Variants in DOCK3 observed in about 807,000 individuals in gnomAD.
DOCK3 encodes the protein dedicator of cytokinesis 3.
DOCK3 carries 60 observed loss-of-function variants against 265.6 expected under a neutral mutation model. The observed-to-expected ratio is 0.23, with a 90% confidence interval of 0.18 to 0.28. DOCK3 has a LOEUF of 0.28. Ranked by LOEUF, DOCK3 falls within the 10% of genes least tolerant of loss-of-function variation. DOCK3 has a pLI of 1.00. For missense variants in DOCK3, 1,981 were observed against 2,594.3 expected, an observed-to-expected ratio of 0.76 and a Z score of 5.14; for synonymous variants, 881 against 938.0, an observed-to-expected ratio of 0.94 and a Z score of 1.11.
chr3:51,095,949 G>A (rs983728467), intron 9 of DOCK3, among the ~76,000 whole-genome samples: 2 of 132,774 alleles, frequency 1.5e-5, no homozygotes, highest in East Asian at 2.6e-4. Flanking sequence ...TGGCCCCCAC[G>A]CTCTCTGGCT....
At chr3:51,120,899 GTCCC>G (rs1201275602) in intron 9 of DOCK3, among the ~76,000 whole-genome samples, 1 of 152,160 alleles carries the variant, frequency 6.6e-6, no homozygotes, top group Non-Finnish European at 1.5e-5. Flanking sequence ...TAGCTTGCTT[GTCCC>G]CGTGAGGGTG....
At chr3:50,718,060 T>C (rs1347404791) in intron 1 of DOCK3, among the ~76,000 whole-genome samples, 1 of 152,254 alleles carries the variant, frequency 6.6e-6, no homozygotes, top group Non-Finnish European at 1.5e-5. Flanking sequence ...TGGTTACAGA[T>C]GAGGCCATCG....
chr3:50,852,644 G>A (rs2046395363), intron 3 of DOCK3, among the ~76,000 whole-genome samples: 2 of 152,154 alleles, frequency 1.3e-5, no homozygotes, highest in South Asian at 4.1e-4. Context: ...TTAGGAATTT[G>A]TGTTCTCTCT....
rs145615583 is a variant in DOCK3 at position 51,348,883 on chromosome 3, A to T, written c.3947A>T (p.Glu1316Val). Residue 1316 changes from glutamate (E) to valine (V), a missense_variant, in exon 39 of 53, where the codon GAG (glutamate) becomes GTG (valine). Transcript: ENST00000266037. ...SWEFGIPLCRELACQYESLYD... is the reference protein window; with the variant it reads ...SWEFGIPLCRVLACQYESLYD... ...GAGTTTGGGATCCCACTGTGCAGGG[A>T]GCTGGCGTGTCAGTACGAGAGCCTC... 6.9e-6 allele frequency: 11 copies of T among 1,585,466 alleles called. No homozygotes were observed. Among genetic ancestry groups the T allele is most frequent in the African/African-American group, 1.3e-5 (1 of 74,400 alleles).
intron 5 of DOCK3, among the ~76,000 whole-genome samples, chr3:50,978,869 C>A (rs376667109): frequency 3.3e-5 from 5 of 152,218 alleles, no homozygotes; most frequent in South Asian, 4.1e-4. Context: ...TTAAGCCCGT[C>A]GGAAAAGCGC....
chr3:50,873,738 TCTC>T (rs536263042), intron 3 of DOCK3, among the ~76,000 whole-genome samples: 13 of 152,168 alleles, frequency 8.5e-5, no homozygotes, highest in Non-Finnish European at 1.6e-4. Flanking sequence ...GATCAGCTAT[TCTC>T]CTCTGCCTAG....
intron 49 of DOCK3, among the ~76,000 whole-genome samples, chr3:51,364,913 G>T (rs2087023172): frequency 6.6e-6 from 1 of 152,214 alleles, no homozygotes. Context: ...AAGCCAGATA[G>T]TATGATGCCT....
intron 26 of DOCK3, chr3:51,278,104 C>A (rs1435139841): frequency 5.1e-6 from 5 of 985,258 alleles, no homozygotes; most frequent in African/African-American, 3.5e-5. Flanking sequence ...CTTCTAGGAA[C>A]CCCCTCATAC....
rs563991202 is a variant in DOCK3, at chr3:51,090,262, A to G, written c.624A>G (p.Thr208=). ...VDTMRPRHGE[T]CRMPVPHHFF... is the part of the protein sequence containing the mutation. ...CAATGCGCCCACGTCATGGGGAAAC[A>G]TGTCGGATGCCAGTGCCACATCACT... The change falls in exon 9 of 53, where the codon ACA becomes ACG. Residue 208 remains threonine (T), a synonymous_variant. Coordinates refer to ENST00000266037, the MANE Select transcript of DOCK3 (RefSeq NM_004947.5). The G allele has an allele frequency of 4.3e-5, 69 of 1,597,400 alleles. No homozygotes were observed. In the South Asian group the frequency reaches 7.1e-4, roughly 17 times the overall value.
intron 14 of DOCK3, among the ~76,000 whole-genome samples, chr3:51,219,378 T>G (rs1369882412): frequency 1.3e-5 from 2 of 152,084 alleles, no homozygotes; most frequent in Admixed American, 6.6e-5. Context: ...AATACTGGGG[T>G]GGGGTATCAT....
intron 5 of DOCK3, among the ~76,000 whole-genome samples, chr3:50,943,536 G>T (rs2076351044): frequency 6.6e-6 from 1 of 152,028 alleles, no homozygotes; most frequent in Non-Finnish European, 1.5e-5. Context: ...TATTAATGGA[G>T]ATTACTTAAG....
At chr3:51,213,591 A>C (rs1304774535) in intron 13 of DOCK3, among the ~76,000 whole-genome samples, 1 of 152,192 alleles carries the variant, frequency 6.6e-6, no homozygotes, top group East Asian at 1.9e-4. Flanking sequence ...TTCTTTGCAG[A>C]ATGTGATGTC....
chr3:51,268,726 G>A (rs978293546), intron 23 of DOCK3, among the ~76,000 whole-genome samples: 1 of 152,024 alleles, frequency 6.6e-6, no homozygotes, highest in Non-Finnish European at 1.5e-5. Flanking sequence ...AGTACCTTAA[G>A]GCTTCCTTGA....
chr3:51,184,316 C>CAA (rs34084936), intron 12 of DOCK3, among the ~76,000 whole-genome samples: 3,888 of 137,854 alleles, frequency 0.028, 163 homozygotes, highest in African/African-American at 0.089. Flanking sequence ...TGCTTTGAAA[C>CAA]AAAAAAAAAA....
At chr3:51,157,159 T>TTTAA (rs10633176) in intron 10 of DOCK3, among the ~76,000 whole-genome samples, 138,495 of 151,934 alleles carry the variant, frequency 0.91, 63,269 homozygotes, top group African/African-American at 0.95. Flanking sequence ...TCAATTTATG[T>TTTAA]TTATTTTGTA....
intron 5 of DOCK3, among the ~76,000 whole-genome samples, chr3:51,045,634 T>C (rs746168025): frequency 6.6e-6 from 1 of 152,278 alleles, no homozygotes; most frequent in Middle Eastern, 3.4e-3. Flanking sequence ...GGTATGCCTG[T>C]ATTTAGTAGG....
At chr3:51,227,497 C>A in intron 16 of DOCK3, 52 bp downstream of exon 16, 2 of 1,603,952 alleles carry the variant, frequency 1.2e-6, no homozygotes, top group Non-Finnish European at 1.7e-6. Context: ...AAATATAACT[C>A]TCTCCTCTCT....
At chr3:50,936,248 C>G (rs529515011) in intron 5 of DOCK3, among the ~76,000 whole-genome samples, 46 of 151,802 alleles carry the variant, frequency 3.0e-4, no homozygotes, top group African/African-American at 1.1e-3. Flanking sequence ...TAGAAATTCT[C>G]CAATACAAAT....
chr3:51,041,411 G>T (rs1283790918), intron 5 of DOCK3, among the ~76,000 whole-genome samples: 2 of 150,756 alleles, frequency 1.3e-5, no homozygotes, highest in South Asian at 2.1e-4. Flanking sequence ...TAGAGACGGG[G>T]TTTCACTGTG....
Sources: allele counts gnomAD v4.1 joint callset (sites outside exome capture counted in the v4.1 genomes callset), GRCh38; gene constraint gnomAD v4.1.1; transcripts MANE v1.5; gene names NCBI Gene and HGNC (gene_info 2026-07-23, HGNC 2026-07-21).